KCNC2: variants seen among roughly 807,000 people sequenced by gnomAD.
The protein encoded by KCNC2 is voltage-gated potassium channel KCNC2.
Under a neutral mutation model 44.5 loss-of-function variants are expected in KCNC2, and 21 were observed. That is an observed-to-expected ratio of 0.47 (90% CI 0.33 to 0.68). The LOEUF is 0.68. KCNC2 is among the 30% of genes least tolerant of loss of function. The probability of loss-of-function intolerance (pLI) is 0.01; values close to 1 mark genes in which losing one functional copy is unlikely to be tolerated. For missense variants in KCNC2, 589 were observed against 826.2 expected (o/e 0.71, Z 3.52); for synonymous variants, 391 against 339.1 (o/e 1.15, Z -1.68).
chr12:75,061,923 T>C (rs1882382073), intron 2 of KCNC2, among the ~76,000 whole-genome samples: 2 of 152,020 alleles, frequency 1.3e-5, no homozygotes, highest in Admixed American at 6.6e-5. Context: ...AACAGTTTTA[T>C]AGGATAAATA....
intron 2 of KCNC2, among the ~76,000 whole-genome samples, chr12:75,120,307 C>T (rs1887964527): frequency 6.6e-6 from 1 of 152,290 alleles, no homozygotes; most frequent in South Asian, 2.1e-4. Flanking sequence ...GATTCCTGGG[C>T]ATCTTGGCAT....
At chr12:75,164,756 G>C (rs1014609572) in intron 2 of KCNC2, among the ~76,000 whole-genome samples, 3 of 151,646 alleles carry the variant, frequency 2.0e-5, no homozygotes, top group African/African-American at 7.3e-5. Context: ...CCAATGGAAA[G>C]GTACCTGGAG....
intron 2 of KCNC2, among the ~76,000 whole-genome samples, chr12:75,093,440 C>A (rs112837366): frequency 6.6e-6 from 1 of 151,684 alleles, no homozygotes; most frequent in South Asian, 2.1e-4. Context: ...ATGCAACATC[C>A]CTCCTTGTTG....
intron 2 of KCNC2, among the ~76,000 whole-genome samples, chr12:75,188,374 GTGT>G (rs1242442381): frequency 3.9e-5 from 6 of 152,138 alleles, no homozygotes; most frequent in Non-Finnish European, 8.8e-5. Context: ...ACACAATGTA[GTGT>G]TGTTGGATTT....
At chr12:75,108,976 G>GAGTTATATATACTATATATACT (rs1887007105) in intron 2 of KCNC2, among the ~76,000 whole-genome samples, 1 of 152,144 alleles carries the variant, frequency 6.6e-6, no homozygotes, top group Non-Finnish European at 1.5e-5. Flanking sequence ...AAAAGTAAGA[G>GAGTTATATATACTATATATACT]AGTTATATAC....
At chr12:75,181,510 T>C (rs1055422346) in intron 2 of KCNC2, among the ~76,000 whole-genome samples, 1 of 152,200 alleles carries the variant, frequency 6.6e-6, no homozygotes, top group Non-Finnish European at 1.5e-5. Flanking sequence ...CCTTCAAGGC[T>C]GCTGAGGGTT....
chr12:75,182,721 AG>A (rs1412997279), intron 2 of KCNC2, among the ~76,000 whole-genome samples: 5 of 152,100 alleles, frequency 3.3e-5, no homozygotes, highest in African/African-American at 1.2e-4. Flanking sequence ...CACCTCCAGC[AG>A]GGTTTGGGGC....
chr12:75,051,288 G>A lies in KCNC2; in HGVS notation c.717C>T (p.Ile239=), dbSNP rs1881140985. 2 of 1,594,156 alleles carry A rather than the reference G, an allele frequency of 1.3e-6. No individual in the cohort carries two copies. Among genetic ancestry groups the A allele is most frequent in the African/African-American group, 1.3e-5 (1 of 74,298 alleles). Residue 239 remains isoleucine (I), a synonymous_variant, in exon 3 of 5, where the codon ATC becomes ATT. Transcript: ENST00000549446. ...GGCAAAAAGTTGTAATTGAAACCAG[G>A]ATGAAGAATAAAGAAGCAAAAGCAA... ...RFIAFASLFF[I]LVSITTFCLE...
Position 75,051,163 on chromosome 12 carries a change from G to A in KCNC2, c.842C>T (p.Ala281Val). The part of the protein sequence containing the change: ...VLQYEIETDP[A>V]LTYVEGVCVV... ...ACACACTCCTTCTACATACGTCAAG[G>A]CAGGATCCGTTTCAATTTCATACTG... The change falls in exon 3 of 5, where the codon GCC becomes GTC. Residue 281 changes from alanine (A) to valine (V), a missense_variant. Transcript: ENST00000549446. The A allele has an allele frequency of 6.2e-7, 1 of 1,613,692 alleles. No individual in the cohort carries two copies. The highest frequency in any genetic ancestry group is 8.5e-7 in the Non-Finnish European group (1 of 1,179,748).
chr12:75,100,830 T>C (rs570081449), intron 2 of KCNC2, among the ~76,000 whole-genome samples: 1 of 152,202 alleles, frequency 6.6e-6, no homozygotes, highest in African/African-American at 2.4e-5. Context: ...ACGTATATAA[T>C]AAACTAATTT....
chr12:75,195,205 G>A (rs1032201352), intron 2 of KCNC2, among the ~76,000 whole-genome samples: 25 of 152,090 alleles, frequency 1.6e-4, no homozygotes, highest in Non-Finnish European at 2.9e-5. Flanking sequence ...TGTATTTCTT[G>A]TACAGAGGAT....
chr12:75,062,109 T>C (rs1042410278), intron 2 of KCNC2, among the ~76,000 whole-genome samples: 1 of 152,114 alleles, frequency 6.6e-6, no homozygotes, highest in South Asian at 2.1e-4. Context: ...TATTTAATCT[T>C]AACAACATAT....
At chr12:75,159,745 G>A (rs1891000825) in intron 2 of KCNC2, among the ~76,000 whole-genome samples, 1 of 151,776 alleles carries the variant, frequency 6.6e-6, no homozygotes, top group Non-Finnish European at 1.5e-5. Context: ...TTCCTTCAAG[G>A]AGTTTTTTGT....
In KCNC2 at chr12:75,202,795, G is replaced by GTTTT. The variant is rs34542718; in HGVS notation, c.687+4498_687+4501dup. 7.5e-5 allele frequency among the ~76,000 whole-genome samples: 11 copies of GTTTT among 146,208 alleles called. No individual in the cohort carries two copies. In the East Asian group the frequency reaches 2.0e-3, roughly 26 times the overall value. ...TGTGTCAGGCAATATTCCTATGTGA[G>GTTTT]TTTTTTTTTTTTAGGAAAATGTATT... On this transcript the variant is annotated intron_variant, in intron 2 of 4. Coordinates refer to ENST00000549446, the MANE Select transcript of KCNC2 (RefSeq NM_139137.4).
intron 2 of KCNC2, among the ~76,000 whole-genome samples, chr12:75,205,475 A>G (rs992079005): frequency 6.6e-6 from 1 of 152,116 alleles, no homozygotes; most frequent in African/African-American, 2.4e-5. Flanking sequence ...TTTAAACACA[A>G]TTTTCAAGTC....
At chr12:75,138,095 C>G (rs1381858850) in intron 2 of KCNC2, among the ~76,000 whole-genome samples, 4 of 152,310 alleles carry the variant, frequency 2.6e-5, no homozygotes, top group East Asian at 1.9e-4. Context: ...AAACAGAATC[C>G]TGCTAACTTC....
At chr12:75,139,727 C>G (rs1391991798) in intron 2 of KCNC2, among the ~76,000 whole-genome samples, 1 of 152,088 alleles carries the variant, frequency 6.6e-6, no homozygotes, top group Non-Finnish European at 1.5e-5. Context: ...ACTTTGAAAG[C>G]ATGATTTATA....
chr12:75,129,255 G>A (rs1426840188), intron 2 of KCNC2, among the ~76,000 whole-genome samples: 2 of 152,150 alleles, frequency 1.3e-5, no homozygotes, highest in Non-Finnish European at 2.9e-5. Context: ...CAGGGAGCCG[G>A]GGTGCCATGA....
At chr12:75,068,352 A>G in intron 2 of KCNC2, among the ~76,000 whole-genome samples, 1 of 152,254 alleles carries the variant, frequency 6.6e-6, no homozygotes, top group South Asian at 2.1e-4. Context: ...AAGACTAAAT[A>G]GAATATCTCA....
Sources: gnomAD v4.1 joint callset for allele counts (sites outside exome capture counted in the v4.1 genomes callset) on GRCh38, gnomAD v4.1.1 for gene constraint, MANE v1.5 for transcripts, NCBI Gene and HGNC (gene_info 2026-07-23, HGNC 2026-07-21) for gene names.